SOX5: variants seen among roughly 807,000 people sequenced by gnomAD.
SOX5 encodes SRY-box transcription factor 5, also known as transcription factor SOX-5.
A neutral mutation model predicts 92.0 loss-of-function variants in SOX5; 9 were observed. The ratio of observed to expected loss-of-function variants is 0.10; its 90% confidence interval spans 0.06 to 0.17. The LOEUF (loss-of-function observed/expected upper bound fraction) is 0.17. SOX5 is among the 10% of genes least tolerant of loss of function. SOX5 has a pLI of 1.00. For missense variants in SOX5, 642 were observed against 944.5 expected (o/e 0.68, Z 4.20); for synonymous variants, 344 against 336.3 (o/e 1.02, Z -0.25).
At chr12:23,551,916 TTAG>T (rs1944295438) in intron 11 of SOX5, among the ~76,000 whole-genome samples, 1 of 151,900 alleles carries the variant, frequency 6.6e-6, no homozygotes, top group Non-Finnish European at 1.5e-5. Context: ...ACTCAACTTC[TTAG>T]TAGGTTAGTT....
chr12:24,132,237 CA>C (rs1185737115), intron 4 of SOX5, among the ~76,000 whole-genome samples: 1 of 152,032 alleles, frequency 6.6e-6, no homozygotes, highest in Non-Finnish European at 1.5e-5. Context: ...CTCAATTAAA[CA>C]AATTAAACAG....
At chr12:23,761,677 A>C (rs756233321) in intron 3 of SOX5, among the ~76,000 whole-genome samples, 2 of 152,158 alleles carry the variant, frequency 1.3e-5, no homozygotes, top group African/African-American at 2.4e-5. Context: ...AAAGTTTTTT[A>C]AATAGACGGC....
chr12:23,530,916 T>C lies in SOX5; in HGVS notation c.*3303A>G, dbSNP rs1938935539. The C allele has an allele frequency of 1.3e-5, 2 of 151,374 alleles. No individual in the cohort carries two copies. Among genetic ancestry groups the C allele is most frequent in the Admixed American group, 6.6e-5 (1 of 15,122 alleles). The allele number at this position is 151,374 out of a possible 1,614,324, so 9.4% of individuals were successfully genotyped here. ...AAGCAGACAGGAAGGAGACTGTTTATGTTTTAGTTTGATCTTTTGATCTTA... is the reference window on the plus strand; with the variant it reads ...AAGCAGACAGGAAGGAGACTGTTTACGTTTTAGTTTGATCTTTTGATCTTA... On this transcript the variant is annotated 3_prime_UTR_variant, in exon 15 of 15. Coordinates refer to ENST00000451604, the MANE Select transcript of SOX5 (RefSeq NM_006940.6).
At chr12:24,074,390 C>A (rs941086087) in intron 4 of SOX5, among the ~76,000 whole-genome samples, 3 of 150,716 alleles carry the variant, frequency 2.0e-5, no homozygotes, top group African/African-American at 7.3e-5. Flanking sequence ...AAAAAAAAAA[C>A]AGCTACCACC....
Position 24,454,855 on chromosome 12 carries a change from C to T in SOX5, c.-250-86216G>A, listed in dbSNP as rs114961822. ...TAATTTGACAGGAACTCTATTATCA[C>T]TTTCTGCAAAATTAGACAGGAAAGA... On this transcript the variant is annotated intron_variant, in intron 1 of 4. Coordinates refer to the SOX5 transcript ENST00000446891. Among the ~76,000 whole-genome samples the T allele has an allele frequency of 3.5e-3, 537 of 152,240 alleles. 2 individuals carry two copies. Among genetic ancestry groups the T allele is most frequent in the African/African-American group, 0.012 (507 of 41,534 alleles).
At chr12:23,808,716 A>G (rs2142354595) in intron 3 of SOX5, among the ~76,000 whole-genome samples, 1 of 152,228 alleles carries the variant, frequency 6.6e-6, no homozygotes, top group East Asian at 1.9e-4. Flanking sequence ...TAACAGTCTT[A>G]TCGTAATCCA....
chr12:24,403,333 C>A (rs1339649311), intron 1 of SOX5, among the ~76,000 whole-genome samples: 5 of 152,296 alleles, frequency 3.3e-5, no homozygotes, highest in African/African-American at 1.2e-4. Context: ...GTGTGTTTCC[C>A]CTGATAAATC....
chr12:23,629,641 G>T (rs756870272), intron 8 of SOX5, among the ~76,000 whole-genome samples: 8 of 152,070 alleles, frequency 5.3e-5, no homozygotes, highest in Non-Finnish European at 8.8e-5. Flanking sequence ...CCGGTGAATA[G>T]TTTGAAACAA....
chr12:23,536,380 C>A, intron 14 of SOX5, 73 bp downstream of exon 14: 2 of 1,202,070 alleles, frequency 1.7e-6, no homozygotes, highest in Non-Finnish European at 1.2e-6. Flanking sequence ...TGCAACTGAA[C>A]AAATATGTTT....
intron 1 of SOX5, among the ~76,000 whole-genome samples, chr12:23,928,079 G>A (rs1475001995): frequency 6.6e-6 from 1 of 152,060 alleles, no homozygotes; most frequent in Non-Finnish European, 1.5e-5. Context: ...CTGGGCACAT[G>A]AGGAAGGACA....
intron 3 of SOX5, among the ~76,000 whole-genome samples, chr12:24,258,871 A>G (rs1484099008): frequency 6.6e-6 from 1 of 152,232 alleles, no homozygotes; most frequent in Non-Finnish European, 1.5e-5. Context: ...TTAGAGATGG[A>G]AAAACTAAGC....
At chr12:23,742,397 CAAT>C (rs1470747514) in intron 4 of SOX5, among the ~76,000 whole-genome samples, 1 of 152,048 alleles carries the variant, frequency 6.6e-6, no homozygotes, top group Non-Finnish European at 1.5e-5. Flanking sequence ...GGCAGGTAGT[CAAT>C]AATGTGTTGC....
chr12:24,253,410 A>C (rs1449944216), intron 3 of SOX5, among the ~76,000 whole-genome samples: 1 of 152,144 alleles, frequency 6.6e-6, no homozygotes, highest in African/African-American at 2.4e-5. Context: ...ACTAATCTAG[A>C]AAATCCAAAA....
intron 3 of SOX5, among the ~76,000 whole-genome samples, chr12:23,841,255 G>T (rs116407877): frequency 1.3e-5 from 2 of 152,022 alleles, no homozygotes; most frequent in African/African-American, 4.8e-5. Context: ...ATTAAAACAA[G>T]GAGATACTAC....
intron 2 of SOX5, among the ~76,000 whole-genome samples, chr12:24,335,881 C>A (rs927220712): frequency 6.8e-6 from 1 of 147,906 alleles, no homozygotes; most frequent in African/African-American, 2.5e-5. Flanking sequence ...TGTTATTAGT[C>A]AAATTTTCCA....
intron 12 of SOX5, among the ~76,000 whole-genome samples, chr12:23,545,831 G>A (rs1943026201): frequency 6.6e-6 from 1 of 150,922 alleles, no homozygotes; most frequent in African/African-American, 2.4e-5. Context: ...GAGCCCAGGA[G>A]TTTGAGACCA....
At chr12:24,535,105 C>G (rs1297252015) in intron 1 of SOX5, among the ~76,000 whole-genome samples, 1 of 152,110 alleles carries the variant, frequency 6.6e-6, no homozygotes, top group Non-Finnish European at 1.5e-5. Context: ...AATGCATAAC[C>G]ACCTCCATCA....
chr12:23,824,928 G>C (rs1159568042), intron 3 of SOX5, among the ~76,000 whole-genome samples: 5 of 152,174 alleles, frequency 3.3e-5, no homozygotes, highest in African/African-American at 9.7e-5. Flanking sequence ...AGTTATAGCA[G>C]ATGCCCCTCC....
chr12:24,248,364 C>T (rs1051466323), intron 3 of SOX5, among the ~76,000 whole-genome samples: 2 of 152,196 alleles, frequency 1.3e-5, no homozygotes, highest in African/African-American at 4.8e-5. Flanking sequence ...AATTGGAAAT[C>T]ACTACTTTAA....
Sources: allele counts gnomAD v4.1 joint callset (sites outside exome capture counted in the v4.1 genomes callset), GRCh38; gene constraint gnomAD v4.1.1; transcripts MANE v1.5; gene names NCBI Gene and HGNC (gene_info 2026-07-23, HGNC 2026-07-21).